The following FBXL13 variants were observed in gnomAD, a reference collection of about 807,000 sequenced individuals.
The protein encoded by FBXL13 is F-box and leucine rich repeat protein 13.
Under a neutral mutation model 83.6 loss-of-function variants are expected in FBXL13, and 67 were observed. The observed-to-expected ratio is 0.80, with a 90% CI of 0.66 to 0.98. The LOEUF (loss-of-function observed/expected upper bound fraction) is 0.98, where lower values mean the gene tolerates loss of function less well. Among genes scored for constraint, FBXL13 ranks in the 50% least tolerant of loss-of-function variants. FBXL13 has a pLI of 0.00. For missense variants in FBXL13, 822 were observed against 866.5 expected (o/e 0.95, Z 0.64); for synonymous variants, 272 against 299.5 (o/e 0.91, Z 0.95).
chr7:102,849,693 C>T (rs939393720), intron 17 of FBXL13, among the ~76,000 whole-genome samples: 2 of 152,144 alleles, frequency 1.3e-5, no homozygotes, highest in African/African-American at 4.8e-5. Context: ...TCTCCTCCCC[C>T]GGCTTTGTCT....
At chr7:102,824,874 G>A (rs1799364437) in intron 18 of FBXL13, among the ~76,000 whole-genome samples, 1 of 146,998 alleles carries the variant, frequency 6.8e-6, no homozygotes, top group Non-Finnish European at 1.5e-5. Flanking sequence ...TCTTCTTGCC[G>A]TAGCCTCCCA....
chr7:102,948,373 A>G (rs149120951), intron 8 of FBXL13, among the ~76,000 whole-genome samples: 1 of 152,000 alleles, frequency 6.6e-6, no homozygotes, highest in East Asian at 1.9e-4. Context: ...ATGAGGATCT[A>G]CTTGTCTGAA....
chr7:102,953,490 T>C (rs1408024525), intron 8 of FBXL13, among the ~76,000 whole-genome samples: 1 of 152,136 alleles, frequency 6.6e-6, no homozygotes, highest in East Asian at 1.9e-4. Context: ...CTCAGTGAAG[T>C]AGGAATATAT....
At chr7:102,923,141 A>G (rs1006934939) in intron 10 of FBXL13, among the ~76,000 whole-genome samples, 1 of 152,160 alleles carries the variant, frequency 6.6e-6, no homozygotes, top group Non-Finnish European at 1.5e-5. Context: ...TTCTTTCCTA[A>G]ATCAAAGAAT....
intron 2 of FBXL13, among the ~76,000 whole-genome samples, chr7:103,040,035 G>C (rs1795497571): frequency 6.6e-6 from 1 of 151,602 alleles, no homozygotes; most frequent in South Asian, 2.1e-4. Context: ...TGGCATACTG[G>C]ATAAAGAGTC....
intron 6 of FBXL13, among the ~76,000 whole-genome samples, chr7:102,992,068 C>T (rs984223582): frequency 2.0e-5 from 3 of 152,076 alleles, no homozygotes; most frequent in African/African-American, 7.2e-5. Flanking sequence ...CCCACTGATA[C>T]TATCCTAATG....
intron 11 of FBXL13, among the ~76,000 whole-genome samples, chr7:102,907,140 T>C (rs1474457868): frequency 1.3e-5 from 2 of 152,106 alleles, no homozygotes; most frequent in African/African-American, 4.8e-5. Context: ...GTCTGGCTAA[T>C]TTTTATATTT....
chr7:102,829,355 C>T (rs934979648), intron 18 of FBXL13, among the ~76,000 whole-genome samples: 2 of 152,234 alleles, frequency 1.3e-5, no homozygotes, highest in African/African-American at 4.8e-5. Context: ...AGTGGACCTG[C>T]TTCACATCAC....
intron 11 of FBXL13, among the ~76,000 whole-genome samples, chr7:102,897,027 A>G (rs377638583): frequency 2.6e-4 from 40 of 151,940 alleles, no homozygotes; most frequent in Non-Finnish European, 4.7e-4. Flanking sequence ...TTTTTAAGAT[A>G]CAAGAGTCTA....
At chr7:102,884,457 C>T in intron 11 of FBXL13, 145 bp from the exon 13 acceptor site, 4 of 597,540 alleles carry the variant, frequency 6.7e-6, no homozygotes, top group Non-Finnish European at 1.2e-5. Context: ...GGGAAAGAAT[C>T]TAGTCTTGAT....
At chr7:102,892,659 AT>A (rs567658357) in intron 11 of FBXL13, among the ~76,000 whole-genome samples, 109 of 152,206 alleles carry the variant, frequency 7.2e-4, no homozygotes, top group Non-Finnish European at 1.4e-3. Flanking sequence ...ATTTTTTCAA[AT>A]ACAAAATGCA....
At chr7:102,934,670 G>T in intron 8 of FBXL13, 1 of 1,587,868 alleles carries the variant, frequency 6.3e-7, no homozygotes, top group Non-Finnish European at 8.5e-7. Context: ...ACAAACACTG[G>T]ACTGCAAAAG....
Position 102,973,659 on chromosome 7 carries a change from G to A in FBXL13, c.496-5542C>T, listed in dbSNP as rs759900786. 29 of 766,236 alleles carry A rather than the reference G, an allele frequency of 3.8e-5. No individual in the cohort carries two copies. In the Admixed American group the frequency reaches 4.6e-4, roughly 12 times the overall value. The allele number at this position is 766,236 out of a possible 1,614,324, so 47.5% of individuals were successfully genotyped here. A position where few individuals can be genotyped will look rare whatever the true frequency, so the allele number is the denominator to read the frequency against. ...GGAGGGGCTCCGGTCTTCGTCCCCC[G>A]TGGACCTACCCCTCCGCCCCAGAAA... On this transcript the variant is annotated intron_variant, in intron 6 of 19. Transcript: ENST00000313221.
intron 16 of FBXL13, among the ~76,000 whole-genome samples, chr7:102,858,065 G>A (rs1425948632): frequency 1.3e-5 from 2 of 152,080 alleles, no homozygotes; most frequent in African/African-American, 4.8e-5. Flanking sequence ...TTCATCAACA[G>A]ACAATTGAAT....
At chr7:102,884,147 T>G in intron 12 of FBXL13, 67 bp downstream of exon 13, 1 of 1,110,256 alleles carries the variant, frequency 9.0e-7, no homozygotes, top group Non-Finnish European at 1.4e-6. Flanking sequence ...TTTTCAGTAA[T>G]TCAAGCCATT....
chr7:102,973,824 G>T (rs1461884739), intron 6 of FBXL13: 6 of 711,142 alleles, frequency 8.4e-6, no homozygotes, highest in African/African-American at 3.5e-5. Context: ...AGCCTCTCTT[G>T]GTTTCTCCAG....
chr7:102,967,997 C>T, intron 7 of FBXL13, 25 bp downstream of exon 8: 1 of 1,542,764 alleles, frequency 6.5e-7, no homozygotes, highest in Non-Finnish European at 9.0e-7. Flanking sequence ...AGTGTAAAGA[C>T]ATAGTTCAGT....
intron 17 of FBXL13, among the ~76,000 whole-genome samples, chr7:102,835,299 G>C (rs976308594): frequency 1.8e-4 from 28 of 152,312 alleles, no homozygotes; most frequent in African/African-American, 6.5e-4. Flanking sequence ...CTTGGGACCT[G>C]TCACTGGAGA....
At chr7:103,047,676 T>A (rs1369225256) in intron 2 of FBXL13, among the ~76,000 whole-genome samples, 3 of 152,214 alleles carry the variant, frequency 2.0e-5, no homozygotes, top group African/African-American at 7.2e-5. Context: ...CATATTAGAA[T>A]TTTATAAGTC....
Sources: gnomAD v4.1 joint callset for allele counts (sites outside exome capture counted in the v4.1 genomes callset) on GRCh38, gnomAD v4.1.1 for gene constraint, MANE v1.5 for transcripts, NCBI Gene and HGNC (gene_info 2026-07-23, HGNC 2026-07-21) for gene names.